IL7: variants seen among roughly 807,000 people sequenced by gnomAD.
IL7 encodes the protein interleukin-7.
In IL7, 3 loss-of-function variants were observed where a neutral mutation model predicts 21.6. That is an observed-to-expected ratio of 0.14 (90% CI 0.06 to 0.36). IL7 has a LOEUF of 0.36. IL7 is among the 10% of genes least tolerant of loss of function. The pLI, the probability that IL7 is intolerant of heterozygous loss-of-function variation, is 1.00. For synonymous variants in IL7, 62 were observed against 68.1 expected (o/e 0.91, Z 0.44); for missense variants, 175 against 200.2 (o/e 0.87, Z 0.76).
chr8:78,704,753 C>A (rs1172685388), intron 3 of IL7, among the ~76,000 whole-genome samples: 1 of 152,128 alleles, frequency 6.6e-6, no homozygotes, highest in Admixed American at 6.5e-5. Context: ...TAGATTTGGT[C>A]TTTTTATATA....
intron 1 of IL7, among the ~76,000 whole-genome samples, chr8:78,804,036 G>C (rs1010461813): frequency 6.6e-6 from 1 of 152,102 alleles, no homozygotes; most frequent in Admixed American, 6.5e-5. Context: ...TTCCTAAGCA[G>C]ATCTTTTCCC....
chr8:78,739,059 A>C (rs758076770), intron 3 of IL7, among the ~76,000 whole-genome samples: 2 of 152,150 alleles, frequency 1.3e-5, no homozygotes, highest in African/African-American at 2.4e-5. Context: ...AGCTGATAAT[A>C]AGAAAATAAA....
At chr8:78,752,488 G>T (rs1812207534) in intron 2 of IL7, among the ~76,000 whole-genome samples, 1 of 151,974 alleles carries the variant, frequency 6.6e-6, no homozygotes, top group African/African-American at 2.4e-5. Context: ...AGCTCATTGT[G>T]GTATTGATTT....
At chr8:78,793,563 G>T (rs1389747388) in intron 2 of IL7, among the ~76,000 whole-genome samples, 2 of 152,118 alleles carry the variant, frequency 1.3e-5, no homozygotes, top group Non-Finnish European at 2.9e-5. Context: ...AATCATCTGA[G>T]CCTTCAGGGT....
intron 2 of IL7, chr8:78,760,170 T>C (rs1034732203): frequency 1.2e-5 from 19 of 1,523,386 alleles, no homozygotes; most frequent in Non-Finnish European, 1.7e-5. Context: ...TTCGGAATTA[T>C]CTGTAGGAAG....
downstream of IL7, among the ~76,000 whole-genome samples, chr8:78,714,188 C>G (rs1330856489): frequency 1.3e-5 from 2 of 152,094 alleles, no homozygotes; most frequent in Admixed American, 6.5e-5. Context: ...CATCTAAATC[C>G]TAGCTTTGGA....
At chr8:78,678,582 G>C in intron 4 of IL7, 1 of 1,610,864 alleles carries the variant, frequency 6.2e-7, no homozygotes, top group Non-Finnish European at 8.5e-7. Flanking sequence ...GGACCCATTT[G>C]CCAGAAGACT....
intron 4 of IL7, chr8:78,679,261 T>C (rs1302587633): frequency 6.6e-6 from 1 of 152,176 alleles, no homozygotes; most frequent in Non-Finnish European, 1.5e-5. Flanking sequence ...TAATCTCTCC[T>C]TAATATCTGT....
At chr8:78,739,586 G>A (rs1046559528) in intron 3 of IL7, among the ~76,000 whole-genome samples, 1 of 151,892 alleles carries the variant, frequency 6.6e-6, no homozygotes, top group African/African-American at 2.4e-5. Flanking sequence ...CAGTTACTCG[G>A]GAGACTGAGG....
intron 3 of IL7, chr8:78,723,900 G>T: frequency 4.6e-6 from 1 of 215,926 alleles, no homozygotes; most frequent in South Asian, 9.5e-5. Flanking sequence ...TATTCCACTT[G>T]AGCTGGTACT....
intron 4 of IL7, among the ~76,000 whole-genome samples, chr8:78,678,408 G>T (rs926169612): frequency 3.9e-5 from 6 of 152,010 alleles, no homozygotes; most frequent in African/African-American, 1.5e-4. Context: ...CTTAACATTT[G>T]GTTAAGGCAA....
chr8:78,756,220 G>A (rs1038695524), intron 2 of IL7, among the ~76,000 whole-genome samples: 1 of 151,916 alleles, frequency 6.6e-6, no homozygotes, highest in East Asian at 1.9e-4. Flanking sequence ...TGTGTTGTTA[G>A]ATTCAGTTTG....
intron 3 of IL7, among the ~76,000 whole-genome samples, chr8:78,711,076 A>G (rs928564807): frequency 3.3e-5 from 5 of 152,116 alleles, no homozygotes; most frequent in African/African-American, 9.7e-5. Flanking sequence ...CTCATAATAG[A>G]TGCTCAGGGT....
intron 2 of IL7, among the ~76,000 whole-genome samples, chr8:78,752,788 C>G (rs1285220371): frequency 2.0e-5 from 3 of 152,096 alleles, no homozygotes; most frequent in African/African-American, 7.2e-5. Context: ...TGTTCCCCTC[C>G]CTGTGCCAAT....
chr8:78,783,362 C>T lies in IL7; in HGVS notation c.147+14710G>A, dbSNP rs180895394. On this transcript the variant is annotated intron_variant, in intron 2 of 5. Transcript: ENST00000263851. The stretch of plus-strand genomic sequence containing the variant: ...CTGGGGATGGGAGTCCCACTTACCC[C>T]CTGCAGGTGGGCCATTACTCCACTC... Among the ~76,000 whole-genome samples the T allele has an allele frequency of 2.9e-4, 44 of 152,294 alleles. 1 individual carries two copies. In the East Asian group the frequency reaches 7.7e-3, roughly 27 times the overall value.
At chr8:78,677,161 C>A (rs1292780607) in intron 4 of IL7, among the ~76,000 whole-genome samples, 1 of 152,016 alleles carries the variant, frequency 6.6e-6, no homozygotes, top group African/African-American at 2.4e-5. Context: ...TTTGACAGTT[C>A]TACCTTCTTT....
At chr8:78,687,807 TGTA>T (rs1810062251) in intron 3 of IL7, among the ~76,000 whole-genome samples, 3 of 136,468 alleles carry the variant, frequency 2.2e-5, no homozygotes, top group Non-Finnish European at 4.6e-5. Context: ...TATATATTCA[TGTA>T]ATAAATATAT....
chr8:78,694,529 T>G (rs924636193), intron 3 of IL7, among the ~76,000 whole-genome samples: 1 of 152,184 alleles, frequency 6.6e-6, no homozygotes, highest in African/African-American at 2.4e-5. Flanking sequence ...ATACAGCAAA[T>G]CCATGTGATG....
At chr8:78,782,247 G>C (rs1813358152) in intron 2 of IL7, among the ~76,000 whole-genome samples, 2 of 152,128 alleles carry the variant, frequency 1.3e-5, no homozygotes, top group African/African-American at 4.8e-5. Context: ...GCCCAGTTCT[G>C]TGCCTTGTTG....
Sources: gnomAD v4.1 joint callset for allele counts (sites outside exome capture counted in the v4.1 genomes callset) on GRCh38, gnomAD v4.1.1 for gene constraint, MANE v1.5 for transcripts, NCBI Gene and HGNC (gene_info 2026-07-23, HGNC 2026-07-21) for gene names.